The following RABL6 variants were observed in gnomAD, a reference collection of about 807,000 sequenced individuals.
RABL6 encodes the protein RAB, member RAS oncogene family like 6.
Under a neutral mutation model 72.9 loss-of-function variants are expected in RABL6, and 28 were observed. The ratio of observed to expected loss-of-function variants is 0.38; its 90% confidence interval spans 0.28 to 0.53. RABL6 has a LOEUF of 0.53. RABL6 is among the 20% of genes least tolerant of loss of function. The pLI is 0.80. For synonymous variants in RABL6, 477 were observed against 421.2 expected (o/e 1.13, Z -1.62); for missense variants, 1,029 against 1,008.4 (o/e 1.02, Z -0.28).
intron 8 of RABL6, 24 bp downstream of exon 8, chr9:136,835,869 CGGGCGGTGTGG>C: frequency 2.6e-6 from 4 of 1,546,166 alleles, no homozygotes; most frequent in Non-Finnish European, 3.5e-6. Flanking sequence ...CCCGCCCGTG[CGGGCGGTGTGG>C]GGGCTGCGGG....
intron 1 of RABL6, chr9:136,809,172 T>TAATA (rs1811221236): frequency 6.5e-6 from 1 of 153,076 alleles, no homozygotes; most frequent in South Asian, 2.0e-4. Context: ...TTGGTCACTT[T>TAATA]AAGGGGAGCC....
chr9:136,837,236 C>G lies in RABL6; in HGVS notation c.810-110C>G, dbSNP rs1848599289. Reference sequence around the variant, plus strand: ...CCTCTGTGGGGCGGGTGGCCCAGAACACAGTGGCTCTTCCCAGCCCCAGCA... The same window carrying G: ...CCTCTGTGGGGCGGGTGGCCCAGAAGACAGTGGCTCTTCCCAGCCCCAGCA... On this transcript the variant is annotated intron_variant, in intron 8 of 14. Coordinates refer to ENST00000311502, the MANE Select transcript of RABL6 (RefSeq NM_024718.5). The G allele has an allele frequency of 2.4e-6, 3 of 1,269,846 alleles. No individual in the cohort carries two copies. The South Asian group carries it at 3.8e-5, about 16-fold the overall frequency. The allele number at this position is 1,269,846 out of a possible 1,614,324, so 78.7% of individuals were successfully genotyped here.
intron 2 of RABL6, among the ~76,000 whole-genome samples, chr9:136,824,624 C>A (rs1396263762): frequency 6.6e-6 from 1 of 151,826 alleles, no homozygotes; most frequent in Non-Finnish European, 1.5e-5. Flanking sequence ...CCACCACTCC[C>A]ACCCAGGGCT....
intron 1 of RABL6, chr9:136,815,271 G>A: frequency 3.4e-6 from 1 of 290,548 alleles, no homozygotes; most frequent in African/African-American, 2.3e-5. Flanking sequence ...GGCAGGTGTG[G>A]CGACTGCTTT....
At chr9:136,831,963 G>A (rs1848486507) in intron 6 of RABL6, 102 bp downstream of exon 6, 1 of 1,439,692 alleles carries the variant, frequency 6.9e-7, no homozygotes, top group Non-Finnish European at 9.2e-7. Flanking sequence ...CGTTAGCATG[G>A]GGCCCGGCGG....
rs112178344 is a variant in RABL6, at chr9:136,837,971, C to T, written c.1236C>T (p.Asp412=). 1,480 of 1,569,424 alleles carry T rather than the reference C, an allele frequency of 9.4e-4. 8 individuals are homozygous for T. The African/African-American group carries it at 0.018, about 19-fold the overall frequency. The change falls in exon 10 of 15, where the codon GAC becomes GAT. Residue 412 remains aspartate (D), a synonymous_variant. Transcript: ENST00000311502. ...SFLEDTTPAR[D]EKKVGAKAAQ... ...TGGAAGACACAACCCCCGCCAGGGA[C>T]GAGAAGAAGGTGGGGGCCAAGGCTG...
At chr9:136,815,166 T>C in intron 1 of RABL6, 1 of 326,674 alleles carries the variant, frequency 3.1e-6, no homozygotes, top group Non-Finnish European at 6.0e-6. Flanking sequence ...CTGTCTTCCT[T>C]CTTGGCGTTC....
chr9:136,833,660 G>A (rs541627730), intron 7 of RABL6: 81 of 1,544,052 alleles, frequency 5.2e-5, no homozygotes, highest in East Asian at 2.5e-4. Flanking sequence ...GGGCTGCCCC[G>A]ACTGGGTCTG....
At chr9:136,840,064 C>G in intron 13 of RABL6, 90 bp from the exon 14 acceptor site, 1 of 1,580,070 alleles carries the variant, frequency 6.3e-7, no homozygotes, top group Non-Finnish European at 8.7e-7. Context: ...CTGGGGCTCG[C>G]TGCTTTGTGA....
Position 136,840,528 on chromosome 9 carries a change from C to A in RABL6, c.*6C>A, listed in dbSNP as rs773843525. ...GCGACTACGAGGAGCTCTAGGCCGG[C>A]GTGGGCAGTGGCCGCCCTGGGGCGG... is the stretch of plus-strand genomic sequence containing the variant. On this transcript the variant is annotated 3_prime_UTR_variant, in exon 15 of 15. Transcript: ENST00000311502. The A allele has an allele frequency of 6.5e-7, 1 of 1,542,490 alleles. No individual in the cohort carries two copies. Among genetic ancestry groups the A allele is most frequent in the Non-Finnish European group, 8.7e-7 (1 of 1,144,380 alleles).
In RABL6 at chr9:136,834,705, T is replaced by C. The variant is rs565295058; in HGVS notation, c.706-1037T>C. Among the ~76,000 whole-genome samples, 197 of 152,244 alleles carry C rather than the reference T, an allele frequency of 1.3e-3. 1 individual carries two copies. Among genetic ancestry groups the C allele is most frequent in the Middle Eastern group, 6.8e-3 (2 of 294 alleles). ...TATTGGCCAGGACGGTCTCGATCTC[T>C]TGACCTCGTGATCTGCCCGCCTTGG... On this transcript the variant is annotated intron_variant, in intron 7 of 14. Coordinates refer to ENST00000311502, the MANE Select transcript of RABL6 (RefSeq NM_024718.5).
In RABL6 at chr9:136,818,385, AAAAAAAAAAAAAAAAAAAAC is replaced by A. The variant is rs1848167004; in HGVS notation, c.131-5139_131-5120del. On this transcript the variant is annotated intron_variant, in intron 1 of 14. Coordinates refer to ENST00000311502, the MANE Select transcript of RABL6 (RefSeq NM_024718.5). Reference sequence around the variant, plus strand: ...CTCAAAAAAAAAAAAAAAAAAAAAAAAAAAAAAAAAAAAAAAAAACCAAAGGTAAGCAAAGAAACTGGTAA... The same window carrying A: ...CTCAAAAAAAAAAAAAAAAAAAAAAACAAAGGTAAGCAAAGAAACTGGTAA... Among the ~76,000 whole-genome samples, 7 of 126,492 alleles carry A rather than the reference AAAAAAAAAAAAAAAAAAAAC, an allele frequency of 5.5e-5. 1 individual carries two copies. The highest frequency in any genetic ancestry group is 7.8e-5 in the Admixed American group (1 of 12,838). The allele number at this position is 126,492 out of a possible 152,430, so 83.0% of individuals were successfully genotyped here. A position where few individuals can be genotyped will look rare whatever the true frequency, so the allele number is the denominator to read the frequency against.
intron 3 of RABL6, chr9:136,828,184 A>C (rs1410377194): frequency 3.4e-6 from 1 of 296,298 alleles, no homozygotes; most frequent in African/African-American, 2.2e-5. Flanking sequence ...TTCCTTCAGC[A>C]GCAAACCCTC....
At chr9:136,820,120 A>G (rs1002777084) in intron 1 of RABL6, among the ~76,000 whole-genome samples, 6 of 150,608 alleles carry the variant, frequency 4.0e-5, no homozygotes, top group Non-Finnish European at 8.9e-5. Context: ...AATCACTGGA[A>G]TCCAGTAGGT....
intron 1 of RABL6, chr9:136,812,933 C>T (rs751447423): frequency 5.8e-6 from 2 of 345,070 alleles, no homozygotes; most frequent in Non-Finnish European, 1.1e-5. Flanking sequence ...CCACCTTCGC[C>T]CTTAGGTTTG....
chr9:136,839,795 A>G lies in RABL6; in HGVS notation c.1860A>G (p.Arg620=). ...CCAAGCTCCCTCTCCCCGCCTTCAG[A>G]CTGAAGAATGACTCGGACCTCTTCG... is the stretch of plus-strand genomic sequence containing the variant. ...PPPKLPLPAF[R]LKNDSDLFGL... is the part of the protein sequence containing the mutation. The change falls in exon 13 of 15, where the codon AGA becomes AGG. Residue 620 remains arginine (R), a synonymous_variant. Transcript: ENST00000311502. 6.2e-7 allele frequency: 1 copy of G among 1,612,822 alleles called. No individual in the cohort carries two copies. The highest frequency in any genetic ancestry group is 8.5e-7 in the Non-Finnish European group (1 of 1,179,820).
At chr9:136,821,922 C>G (rs867699106) in intron 1 of RABL6, 10 of 1,287,614 alleles carry the variant, frequency 7.8e-6, no homozygotes, top group Non-Finnish European at 4.0e-6. Context: ...GCCTGGGTCC[C>G]CTCTGGAGGT....
In RABL6 at chr9:136,808,186, C is replaced by G. The variant is rs762620312; in HGVS notation, c.-11C>G. The stretch of plus-strand genomic sequence containing the variant: ...CCGGCCGCGCCCGGGCTGGGACGTC[C>G]GAGCGGGAAGATGTTTTCCGCCCTG... On this transcript the variant is annotated 5_prime_UTR_variant, in exon 1 of 15. Coordinates refer to ENST00000311502, the MANE Select transcript of RABL6 (RefSeq NM_024718.5). The G allele has an allele frequency of 4.6e-6, 7 of 1,513,088 alleles. No individual in the cohort carries two copies. Among genetic ancestry groups the G allele is most frequent in the East Asian group, 2.8e-5 (1 of 35,650 alleles). 93.7% of individuals were successfully genotyped at this position (1,513,088 alleles called of 1,614,324 possible). A position where few individuals can be genotyped will look rare whatever the true frequency, so the allele number is the denominator to read the frequency against.
At chr9:136,812,072 A>G (rs1848023480) in intron 1 of RABL6, among the ~76,000 whole-genome samples, 1 of 152,244 alleles carries the variant, frequency 6.6e-6, no homozygotes, top group African/African-American at 2.4e-5. Flanking sequence ...ATTATTTGGA[A>G]GAAAGATTGT....
Sources: allele counts gnomAD v4.1 joint callset (sites outside exome capture counted in the v4.1 genomes callset), GRCh38; gene constraint gnomAD v4.1.1; transcripts MANE v1.5; gene names NCBI Gene and HGNC (gene_info 2026-07-23, HGNC 2026-07-21).